The following MOB3B variants were observed in gnomAD, a reference collection of about 807,000 sequenced individuals.
The protein encoded by MOB3B is MOB kinase activator 3B.
In MOB3B, 7 loss-of-function variants were observed where a neutral mutation model predicts 18.7. That is an observed-to-expected ratio of 0.37 (90% confidence interval 0.21 to 0.70). The LOEUF (loss-of-function observed/expected upper bound fraction) is 0.70. MOB3B is among the 30% of genes least tolerant of loss of function. MOB3B has a pLI of 0.52. For synonymous variants in MOB3B, 111 were observed against 99.9 expected, an observed-to-expected ratio of 1.11 and a Z score of -0.66; for missense variants, 253 against 281.3, an observed-to-expected ratio of 0.90 and a Z score of 0.72.
intron 2 of MOB3B, among the ~76,000 whole-genome samples, chr9:27,419,998 A>T (rs969109355): frequency 3.3e-5 from 5 of 152,216 alleles, no homozygotes; most frequent in African/African-American, 1.2e-4. Flanking sequence ...GGCTAAGCAC[A>T]TGAATAGACA....
chr9:27,423,048 C>T (rs1390344141), intron 2 of MOB3B, among the ~76,000 whole-genome samples: 2 of 152,094 alleles, frequency 1.3e-5, no homozygotes, highest in Non-Finnish European at 2.9e-5. Flanking sequence ...CTTATGGGTC[C>T]ACATGGAGAG....
chr9:27,373,821 G>GA (rs1335599735), intron 2 of MOB3B, among the ~76,000 whole-genome samples: 4 of 152,188 alleles, frequency 2.6e-5, no homozygotes, highest in Admixed American at 2.6e-4. Context: ...TTTTGTGGAT[G>GA]AAAAAATACT....
chr9:27,374,194 A>G (rs993676888), intron 2 of MOB3B, among the ~76,000 whole-genome samples: 1 of 149,644 alleles, frequency 6.7e-6, no homozygotes, highest in Non-Finnish European at 1.5e-5. Flanking sequence ...GCTTGAATAA[A>G]CTCCATTAAT....
At chr9:27,475,745 GCT>G (rs1233122605) in intron 1 of MOB3B, among the ~76,000 whole-genome samples, 2 of 152,158 alleles carry the variant, frequency 1.3e-5, no homozygotes, top group Non-Finnish European at 2.9e-5. Flanking sequence ...TAGTCTAGTT[GCT>G]CTGTCTAATC....
chr9:27,450,399 G>C (rs1822765957), intron 2 of MOB3B, among the ~76,000 whole-genome samples: 1 of 152,042 alleles, frequency 6.6e-6, no homozygotes, highest in Non-Finnish European at 1.5e-5. Context: ...GCCAGCAGAG[G>C]GTTTTCATGA....
rs57850999 is a variant in MOB3B, at chr9:27,418,091, C to CAAAAAAAAAAAAAAAAAA, written c.418+37024_418+37041dup. On this transcript the variant is annotated intron_variant, in intron 2 of 3. Coordinates refer to ENST00000262244, the MANE Select transcript of MOB3B (RefSeq NM_024761.5). ...TGGGAGACAGGGTGAGACTCCACCT[C>CAAAAAAAAAAAAAAAAAA]AAAAAAAAAAAAAAAAAAAAAGTAA... Among the ~76,000 whole-genome samples the CAAAAAAAAAAAAAAAAAA allele has an allele frequency of 6.8e-4, 30 of 44,074 alleles. 1 individual carries two copies. The highest frequency in any genetic ancestry group is 1.0e-3 in the Admixed American group (3 of 2,862). 28.9% of individuals were successfully genotyped at this position (44,074 alleles called of 152,430 possible).
chr9:27,529,811 G>A lies in MOB3B; in HGVS notation c.-455C>T, dbSNP rs141658869. The stretch of plus-strand genomic sequence containing the variant: ...CGCGCCGCGCAGCCGGCCGGGGCTC[G>A]ACTGTCTCGCGGGGACGCCGAGCGG... On this transcript the variant is annotated 5_prime_UTR_variant, in exon 1 of 4. Transcript: ENST00000262244. 6 of 985,444 alleles carry A rather than the reference G, an allele frequency of 6.1e-6. No homozygotes were observed. Among genetic ancestry groups the A allele is most frequent in the African/African-American group, 1.7e-5 (1 of 57,360 alleles). 61.0% of individuals were successfully genotyped at this position (985,444 alleles called of 1,614,324 possible).
In MOB3B at chr9:27,334,495, T is replaced by C. The variant is rs1290188844; in HGVS notation, c.622-3879A>G. Among the ~76,000 whole-genome samples, 7 of 152,354 alleles carry C rather than the reference T, an allele frequency of 4.6e-5. No homozygotes were observed. In the East Asian group the frequency reaches 7.7e-4, roughly 17 times the overall value. The stretch of plus-strand genomic sequence containing the variant: ...GGGGTGGATGAAATCAGCCTGTCTT[T>C]TACATAAGATACTCAATTTTTTCTG... On this transcript the variant is annotated intron_variant, in intron 3 of 3. Transcript: ENST00000262244.
At chr9:27,495,097 G>T (rs2131490544) in intron 1 of MOB3B, among the ~76,000 whole-genome samples, 1 of 152,254 alleles carries the variant, frequency 6.6e-6, no homozygotes, top group East Asian at 1.9e-4. Context: ...AGGAGGCTGA[G>T]GTGGGAGGAT....
At position 27,420,501 on chromosome 9, in the gene MOB3B, C is replaced by G. The variant is rs187948524; in HGVS notation, c.418+34632G>C. The stretch of plus-strand genomic sequence containing the variant: ...TCTATATATTTCATATATATTCCAT[C>G]TATATATTCCATCTATATTCCATCT... On this transcript the variant is annotated intron_variant, in intron 2 of 3. Transcript: ENST00000262244. Among the ~76,000 whole-genome samples, 842 of 132,332 alleles carry G rather than the reference C, an allele frequency of 6.4e-3. 7 individuals carry two copies. Among genetic ancestry groups the G allele is most frequent in the Non-Finnish European group, 9.6e-3 (606 of 63,352 alleles). The allele number at this position is 132,332 out of a possible 152,430, so 86.8% of individuals were successfully genotyped here.
chr9:27,462,834 A>G (rs1397500941), intron 1 of MOB3B, among the ~76,000 whole-genome samples: 1 of 152,234 alleles, frequency 6.6e-6, no homozygotes, highest in Non-Finnish European at 1.5e-5. Context: ...AACCATTGCA[A>G]AAGATCTTTG....
At chr9:27,361,309 G>A (rs1386249454) in intron 2 of MOB3B, among the ~76,000 whole-genome samples, 1 of 152,124 alleles carries the variant, frequency 6.6e-6, no homozygotes, top group African/African-American at 2.4e-5. Context: ...AGAGTACAAC[G>A]CTCTCTCTTC....
chr9:27,512,218 C>CTG (rs1820158056), intron 1 of MOB3B, among the ~76,000 whole-genome samples: 1 of 152,110 alleles, frequency 6.6e-6, no homozygotes, highest in African/African-American at 2.4e-5. Context: ...GAGCTGGGTA[C>CTG]ACATGAGGAA....
chr9:27,502,987 C>A (rs930141222), intron 1 of MOB3B, among the ~76,000 whole-genome samples: 7 of 152,310 alleles, frequency 4.6e-5, no homozygotes, highest in Non-Finnish European at 8.8e-5. Context: ...GATCTGCAGA[C>A]CCTTTTTCTT....
chr9:27,374,958 T>C (rs1452417652), intron 2 of MOB3B, among the ~76,000 whole-genome samples: 2 of 152,370 alleles, frequency 1.3e-5, no homozygotes, highest in South Asian at 2.1e-4. Flanking sequence ...TGGGCACTTC[T>C]GGCTAGGTGG....
intron 1 of MOB3B, among the ~76,000 whole-genome samples, chr9:27,513,851 T>C (rs908972854): frequency 2.0e-5 from 3 of 152,156 alleles, no homozygotes; most frequent in Non-Finnish European, 4.4e-5. Flanking sequence ...GTGTCAGGCA[T>C]CATCTCCTTG....
intron 2 of MOB3B, among the ~76,000 whole-genome samples, chr9:27,445,982 A>G (rs1822685024): frequency 1.3e-5 from 2 of 152,168 alleles, no homozygotes; most frequent in East Asian, 1.9e-4. Flanking sequence ...TCAAAAGCCT[A>G]TTGCTGCTTT....
intron 2 of MOB3B, among the ~76,000 whole-genome samples, chr9:27,404,347 C>CTTTTTTTTTTTTTTT (rs756275032): frequency 9.3e-5 from 7 of 75,174 alleles, no homozygotes; most frequent in African/African-American, 2.3e-4. Flanking sequence ...TTCTTTCTTT[C>CTTTTTTTTTTTTTTT]TTTTTTTTTT....
chr9:27,508,834 T>C (rs1039248672), intron 1 of MOB3B, among the ~76,000 whole-genome samples: 1 of 152,176 alleles, frequency 6.6e-6, no homozygotes, highest in South Asian at 2.1e-4. Flanking sequence ...ATAGGGCCCA[T>C]TGAGGCTGTT....
Sources: allele counts gnomAD v4.1 joint callset (sites outside exome capture counted in the v4.1 genomes callset), GRCh38; gene constraint gnomAD v4.1.1; transcripts MANE v1.5; gene names NCBI Gene and HGNC (gene_info 2026-07-23, HGNC 2026-07-21).